UBE2E2: variants seen among roughly 807,000 people sequenced by gnomAD.
The protein encoded by UBE2E2 is ubiquitin-conjugating enzyme E2 E2.
Under a neutral mutation model 24.7 loss-of-function variants are expected in UBE2E2, and 6 were observed. The ratio of observed to expected loss-of-function variants is 0.24; its 90% CI spans 0.13 to 0.48. UBE2E2 has a LOEUF of 0.48. Among genes scored for constraint, UBE2E2 ranks in the 20% least tolerant of loss-of-function variants. UBE2E2 has a pLI of 0.99. For missense variants in UBE2E2, 169 were observed against 245.0 expected, an observed-to-expected ratio of 0.69 and a Z score of 2.07; for synonymous variants, 104 against 83.6, an observed-to-expected ratio of 1.24 and a Z score of -1.33.
At chr3:23,323,569 A>C in intron 3 of UBE2E2, 1 of 452,300 alleles carries the variant, frequency 2.2e-6, no homozygotes, top group Non-Finnish European at 4.4e-6. Context: ...GGATTTTTGG[A>C]TTTTGGATGC....
intron 3 of UBE2E2, among the ~76,000 whole-genome samples, chr3:23,476,316 AC>A (rs1163277455): frequency 1.3e-5 from 2 of 152,088 alleles, no homozygotes; most frequent in African/African-American, 4.8e-5. Flanking sequence ...TGGGCATAGG[AC>A]ATTGAATGTA....
At chr3:23,268,499 T>A (rs1459493699) in intron 3 of UBE2E2, among the ~76,000 whole-genome samples, 3 of 150,010 alleles carry the variant, frequency 2.0e-5, no homozygotes, top group Non-Finnish European at 3.0e-5. Context: ...TTACAAGGGA[T>A]GTGAAGGACC....
chr3:23,357,594 T>C (rs1236712733), intron 3 of UBE2E2, among the ~76,000 whole-genome samples: 1 of 152,182 alleles, frequency 6.6e-6, no homozygotes, highest in Non-Finnish European at 1.5e-5. Context: ...TATGAGGGCA[T>C]AGCCTTCCCA....
intron 3 of UBE2E2, among the ~76,000 whole-genome samples, chr3:23,255,457 G>A (rs1398408485): frequency 6.6e-6 from 1 of 152,080 alleles, no homozygotes. Flanking sequence ...CAGTGTAGAA[G>A]AGAAGTAAAA....
chr3:23,512,560 T>C (rs941156386), intron 4 of UBE2E2, among the ~76,000 whole-genome samples: 1 of 151,934 alleles, frequency 6.6e-6, no homozygotes, highest in Non-Finnish European at 1.5e-5. Flanking sequence ...AGGTCACTCT[T>C]TGTGTTCTTT....
At chr3:23,347,921 T>C (rs950676448) in intron 3 of UBE2E2, among the ~76,000 whole-genome samples, 2 of 152,156 alleles carry the variant, frequency 1.3e-5, no homozygotes, top group African/African-American at 4.8e-5. Flanking sequence ...CACTGTTTCT[T>C]ATTAATAAGT....
chr3:23,523,251 T>G (rs1327964639), intron 4 of UBE2E2, among the ~76,000 whole-genome samples: 1 of 152,212 alleles, frequency 6.6e-6, no homozygotes, highest in Non-Finnish European at 1.5e-5. Flanking sequence ...TTGAGAGTAA[T>G]TTGCTGTATT....
intron 3 of UBE2E2, among the ~76,000 whole-genome samples, chr3:23,291,876 TGAGA>T (rs1698776147): frequency 8.1e-6 from 1 of 124,150 alleles, no homozygotes; most frequent in Non-Finnish European, 1.8e-5. Context: ...TTTTTTTTTT[TGAGA>T]CAGAGTCTCG....
Position 23,209,858 on chromosome 3 carries a change from C to T in UBE2E2, c.176+983C>T, listed in dbSNP as rs923995. On this transcript the variant is annotated intron_variant, in intron 2 of 5. Transcript: ENST00000396703. ...GATGGTGAGTGGTTATTCCAAGGTA[C>T]TAGAGTATTCAGTTTCCCTTTCGTG... Among the ~76,000 whole-genome samples the T allele has an allele frequency of 7.8e-3, 1,180 of 152,238 alleles. 13 individuals carry two copies. The highest frequency in any genetic ancestry group is 0.027 in the African/African-American group (1,120 of 41,528).
chr3:23,232,939 G>A lies in UBE2E2; in HGVS notation c.227+15627G>A, dbSNP rs1697010426. On this transcript the variant is annotated intron_variant, in intron 3 of 5. Transcript: ENST00000396703. ...ACAGATTCAGCTGCAAGTGCTGAAG[G>A]GAAATCTTTGCCTGAAGGTAGGGCA... Among the ~76,000 whole-genome samples, 3 of 152,198 alleles carry A rather than the reference G, an allele frequency of 2.0e-5. No homozygotes were observed. In the South Asian group the frequency reaches 6.2e-4, roughly 31 times the overall value.
At chr3:23,267,349 G>A (rs1490370517) in intron 3 of UBE2E2, among the ~76,000 whole-genome samples, 7 of 152,046 alleles carry the variant, frequency 4.6e-5, no homozygotes, top group Non-Finnish European at 7.4e-5. Flanking sequence ...TCAAGTAGAC[G>A]CAATAAAAAA....
intron 3 of UBE2E2, among the ~76,000 whole-genome samples, chr3:23,361,765 A>C (rs2125331895): frequency 6.6e-6 from 1 of 152,268 alleles, no homozygotes; most frequent in South Asian, 2.1e-4. Flanking sequence ...ACCACTAAGG[A>C]ACTTATCCAT....
intron 3 of UBE2E2, among the ~76,000 whole-genome samples, chr3:23,436,331 C>G (rs1463860352): frequency 6.6e-6 from 1 of 152,176 alleles, no homozygotes; most frequent in Non-Finnish European, 1.5e-5. Context: ...TTCTGCTGTT[C>G]CATGATATTT....
intron 3 of UBE2E2, among the ~76,000 whole-genome samples, chr3:23,274,377 G>A (rs959656956): frequency 3.3e-5 from 5 of 151,728 alleles, no homozygotes; most frequent in Non-Finnish European, 7.4e-5. Flanking sequence ...ACAGAGTGAC[G>A]AGTCCCTCTC....
intron 3 of UBE2E2, among the ~76,000 whole-genome samples, chr3:23,347,597 C>G (rs1409103509): frequency 6.6e-6 from 1 of 152,048 alleles, no homozygotes; most frequent in South Asian, 2.1e-4. Context: ...AGAAATACCT[C>G]ATGTAAATGA....
At chr3:23,382,851 T>C (rs781332317) in intron 3 of UBE2E2, among the ~76,000 whole-genome samples, 6 of 152,072 alleles carry the variant, frequency 3.9e-5, no homozygotes, top group Admixed American at 1.3e-4. Context: ...GGACCAGACA[T>C]GAAGGGAATG....
At chr3:23,427,694 C>T (rs963193317) in intron 3 of UBE2E2, among the ~76,000 whole-genome samples, 2 of 152,138 alleles carry the variant, frequency 1.3e-5, no homozygotes, top group African/African-American at 4.8e-5. Flanking sequence ...TATTAAAACA[C>T]ATGTAGAGTA....
chr3:23,481,294 A>G (rs1695183), intron 3 of UBE2E2, among the ~76,000 whole-genome samples: 38,240 of 152,136 alleles, frequency 0.25, 5,229 homozygotes, highest in African/African-American at 0.37. Context: ...ACCTGCATCA[A>G]ATGAGTAATA....
chr3:23,208,388 C>T (rs1372324816), intron 1 of UBE2E2, among the ~76,000 whole-genome samples: 1 of 152,092 alleles, frequency 6.6e-6, no homozygotes, highest in South Asian at 2.1e-4. Flanking sequence ...GAATATACTA[C>T]TATATTTTGT....
Sources: gnomAD v4.1 joint callset for allele counts (sites outside exome capture counted in the v4.1 genomes callset) on GRCh38, gnomAD v4.1.1 for gene constraint, MANE v1.5 for transcripts, NCBI Gene and HGNC (gene_info 2026-07-23, HGNC 2026-07-21) for gene names.